Variants in OSBPL1A observed in about 807,000 individuals in gnomAD.
OSBPL1A encodes the protein oxysterol binding protein like 1A.
A neutral mutation model predicts 137.1 loss-of-function variants in OSBPL1A; 80 were observed. The ratio of observed to expected loss-of-function variants is 0.58; its 90% CI spans 0.49 to 0.70. The LOEUF (loss-of-function observed/expected upper bound fraction) is 0.70. Among genes scored for constraint, OSBPL1A ranks in the 30% least tolerant of loss-of-function variants. The pLI is 0.00. For synonymous variants in OSBPL1A, 365 were observed against 389.7 expected (o/e 0.94, Z 0.75); for missense variants, 970 against 1,129.4 (o/e 0.86, Z 2.02).
intron 16 of OSBPL1A, among the ~76,000 whole-genome samples, chr18:24,229,669 A>G (rs1215678213): frequency 6.6e-6 from 1 of 152,240 alleles, no homozygotes; most frequent in African/African-American, 2.4e-5. Context: ...AAGCCTATCC[A>G]TAGAAGTTAT....
chr18:24,177,344 T>C (rs572040961), intron 21 of OSBPL1A, among the ~76,000 whole-genome samples: 113 of 152,346 alleles, frequency 7.4e-4, no homozygotes, highest in African/African-American at 2.6e-3. Context: ...AATCCCCAGT[T>C]CTGCAATTTG....
chr18:24,283,281 A>AAAAAAAT lies in OSBPL1A; in HGVS notation c.1175-2334_1175-2333insATTTTTT, dbSNP rs1246058393. On this transcript the variant is annotated intron_variant, in intron 14 of 27. Transcript: ENST00000319481. ...CTCCATCTCAAAAAAAAAAAAAAAAAATATATATATATATATATATATGTA... is the reference window on the plus strand; with the variant it reads ...CTCCATCTCAAAAAAAAAAAAAAAAAAAAAAATATATATATATATATATATATATGTA... Among the ~76,000 whole-genome samples the AAAAAAAT allele has an allele frequency of 1.7e-3, 134 of 78,268 alleles. 2 individuals are homozygous for AAAAAAAT. The highest frequency in any genetic ancestry group is 2.9e-3 in the African/African-American group (55 of 18,980). 51.3% of individuals were successfully genotyped at this position (78,268 alleles called of 152,430 possible).
At chr18:24,226,282 G>A (rs952328877) in intron 16 of OSBPL1A, among the ~76,000 whole-genome samples, 3 of 152,200 alleles carry the variant, frequency 2.0e-5, no homozygotes, top group East Asian at 3.9e-4. Context: ...GCATGCTAAT[G>A]GTCTCTCATG....
chr18:24,166,881 G>C (rs2086157309), intron 25 of OSBPL1A, among the ~76,000 whole-genome samples, 179 bp from the exon 26 acceptor site: 2 of 151,966 alleles, frequency 1.3e-5, no homozygotes, highest in South Asian at 4.2e-4. Flanking sequence ...ACCATCTGTG[G>C]GTATCTCTCA....
At chr18:24,195,672 TC>T (rs1307576109) in intron 18 of OSBPL1A, among the ~76,000 whole-genome samples, 2 of 151,980 alleles carry the variant, frequency 1.3e-5, no homozygotes, top group African/African-American at 2.4e-5. Context: ...TCTCCCTACC[TC>T]CCCCCACATC....
rs964028519 is a variant in OSBPL1A at position 24,382,467 on chromosome 18, T to C, written c.-2-4932A>G. On this transcript the variant is annotated intron_variant, in intron 1 of 27. Transcript: ENST00000319481. ...TGGTGTGAGCCTGTAGTCCCAGCCA[T>C]TGGAGAGGCTGAGGTAGGAGGATCA... Among the ~76,000 whole-genome samples, 8 of 150,006 alleles carry C rather than the reference T, an allele frequency of 5.3e-5. No homozygotes were observed. In the East Asian group the frequency reaches 9.9e-4, roughly 19 times the overall value.
In OSBPL1A at chr18:24,333,296, C is replaced by T. The variant is rs565182948; in HGVS notation, c.481-210G>A. On this transcript the variant is annotated intron_variant, in intron 6 of 27. Transcript: ENST00000319481. ...CTGAGATAGATCTCAGGCCTGTGTCCGGGTCTCACACTCCTCTGACAAGAG... is the reference window on the plus strand; with the variant it reads ...CTGAGATAGATCTCAGGCCTGTGTCTGGGTCTCACACTCCTCTGACAAGAG... Among the ~76,000 whole-genome samples, 26 of 152,226 alleles carry T rather than the reference C, an allele frequency of 1.7e-4. 2 individuals carry two copies. The South Asian group carries it at 5.2e-3, about 30-fold the overall frequency.
At chr18:24,254,763 C>T (rs275850) in intron 15 of OSBPL1A, among the ~76,000 whole-genome samples, 141,528 of 152,136 alleles carry the variant, frequency 0.93, 65,995 homozygotes, top group Admixed American at 0.97. Flanking sequence ...TAATGATTCA[C>T]CTTAAAGAAC....
chr18:24,225,305 C>CT, intron 16 of OSBPL1A, 107 bp from the exon 17 acceptor site: 1 of 1,172,046 alleles, frequency 8.5e-7, no homozygotes, highest in Admixed American at 2.3e-5. Context: ...AAGCAGCCTA[C>CT]TTTGTCCCTC....
intron 4 of OSBPL1A, among the ~76,000 whole-genome samples, chr18:24,345,577 T>C (rs1236215826): frequency 6.6e-6 from 1 of 152,060 alleles, no homozygotes; most frequent in East Asian, 1.9e-4. Flanking sequence ...TCCCAGCTAT[T>C]TGGGAGGCTG....
chr18:24,267,010 C>CA (rs1599589050), intron 15 of OSBPL1A, among the ~76,000 whole-genome samples: 2 of 150,862 alleles, frequency 1.3e-5, no homozygotes, highest in Admixed American at 6.6e-5. Flanking sequence ...GAAAAGTAAT[C>CA]AAAAAAAGCT....
At chr18:24,243,497 C>T (rs1212971850) in intron 15 of OSBPL1A, among the ~76,000 whole-genome samples, 1 of 152,054 alleles carries the variant, frequency 6.6e-6, no homozygotes. Context: ...CATTTTAATA[C>T]CTAAATTCAT....
At chr18:24,307,361 C>A (rs761566537) in intron 13 of OSBPL1A, among the ~76,000 whole-genome samples, 1 of 152,136 alleles carries the variant, frequency 6.6e-6, no homozygotes, top group African/African-American at 2.4e-5. Flanking sequence ...TGACATCTGG[C>A]GATTATTATG....
intron 16 of OSBPL1A, among the ~76,000 whole-genome samples, chr18:24,237,721 T>G (rs2088536270): frequency 6.6e-6 from 1 of 152,196 alleles, no homozygotes; most frequent in South Asian, 2.1e-4. Context: ...ATTTTCCTTT[T>G]TGGATGCTCC....
In OSBPL1A at chr18:24,321,471, A is replaced by AT. The variant is rs569392547; in HGVS notation, c.626-2663dup. 2.7e-4 allele frequency among the ~76,000 whole-genome samples: 41 copies of AT among 152,156 alleles called. No individual in the cohort carries two copies. In the South Asian group the frequency reaches 7.5e-3, roughly 28 times the overall value. On this transcript the variant is annotated intron_variant, in intron 7 of 27. Transcript: ENST00000319481. Reference sequence around the variant, plus strand: ...GTCATCACACCTGGCTAATTTTTGTATTTTTTTGTAGGAATGGGGTTTCAC... The same window carrying AT: ...GTCATCACACCTGGCTAATTTTTGTATTTTTTTTGTAGGAATGGGGTTTCAC...
At chr18:24,238,369 C>T (rs2146006862) in intron 16 of OSBPL1A, among the ~76,000 whole-genome samples, 1 of 152,274 alleles carries the variant, frequency 6.6e-6, no homozygotes, top group East Asian at 1.9e-4. Context: ...TTCCATGTTC[C>T]TTTCCCTTCT....
intron 14 of OSBPL1A, among the ~76,000 whole-genome samples, chr18:24,287,646 G>A (rs1010380022): frequency 6.6e-6 from 1 of 151,996 alleles, no homozygotes; most frequent in Non-Finnish European, 1.5e-5. Flanking sequence ...GGTGGTACTT[G>A]CCTGTAATCC....
intron 4 of OSBPL1A, chr18:24,357,334 A>G (rs1386829861): frequency 1.3e-5 from 2 of 152,194 alleles, no homozygotes; most frequent in Non-Finnish European, 2.9e-5. Flanking sequence ...ACATAAGATG[A>G]CATAAACGGG....
chr18:24,292,461 T>C (rs1182247130), intron 14 of OSBPL1A, among the ~76,000 whole-genome samples: 1 of 152,142 alleles, frequency 6.6e-6, no homozygotes, highest in Non-Finnish European at 1.5e-5. Flanking sequence ...GTTTGAGAGA[T>C]ATAAGGTATA....
Sources: allele counts gnomAD v4.1 joint callset (sites outside exome capture counted in the v4.1 genomes callset), GRCh38; gene constraint gnomAD v4.1.1; transcripts MANE v1.5; gene names NCBI Gene and HGNC (gene_info 2026-07-23, HGNC 2026-07-21).